The following EMC1 variants were observed in gnomAD, a reference collection of about 807,000 sequenced individuals.
The protein encoded by EMC1 is KIAA0090.
A neutral mutation model predicts 128.8 loss-of-function variants in EMC1; 103 were observed. The observed-to-expected ratio is 0.80, with a 90% CI of 0.68 to 0.94. The LOEUF (loss-of-function observed/expected upper bound fraction) is 0.94, where lower values mean the gene tolerates loss of function less well. Among genes scored for constraint, EMC1 ranks in the 40% least tolerant of loss-of-function variants. EMC1 has a pLI of 0.00. For missense variants in EMC1, 1,083 were observed against 1,250.6 expected (o/e 0.87, Z 2.02); for synonymous variants, 442 against 490.4 (o/e 0.90, Z 1.30).
chr1:19,242,239 A>G, intron 5 of EMC1, 106 bp downstream of exon 5: 1 of 1,233,312 alleles, frequency 8.1e-7, no homozygotes, highest in East Asian at 2.3e-5. Flanking sequence ...AACACCAACA[A>G]GAGACAGGCC....
chr1:19,216,356 A>G lies in EMC1; in HGVS notation c.*2947T>C, dbSNP rs532923760. 1 of 152,322 alleles carries G rather than the reference A, an allele frequency of 6.6e-6. No individual in the cohort carries two copies. The highest frequency in any genetic ancestry group is 2.1e-4 in the South Asian group (1 of 4,834). 9.4% of individuals were successfully genotyped at this position (152,322 alleles called of 1,614,324 possible). On this transcript the variant is annotated 3_prime_UTR_variant, in exon 23 of 23. Coordinates refer to ENST00000477853, the MANE Select transcript of EMC1 (RefSeq NM_015047.3). The stretch of plus-strand genomic sequence containing the variant: ...ATAATGAAACTAGTTCAGATTAGAT[A>G]GCTTACATTAAAGTCTCTAACACTT...
chr1:19,232,364 C>G (rs1402469460), intron 15 of EMC1, among the ~76,000 whole-genome samples: 1 of 152,212 alleles, frequency 6.6e-6, no homozygotes, highest in African/African-American at 2.4e-5. Flanking sequence ...AATAGCCACT[C>G]AGCAACCAAC....
chr1:19,233,884 C>G (rs2093542988), intron 13 of EMC1, among the ~76,000 whole-genome samples: 1 of 152,216 alleles, frequency 6.6e-6, no homozygotes, highest in African/African-American at 2.4e-5. Flanking sequence ...ACCCACTGGA[C>G]TGTTCCAAAA....
rs756760143 is a variant in EMC1, at chr1:19,232,974, G to C, written c.1594C>G (p.Leu532Val). ...GTTACCATCACCATCATCTTCTGGA[G>C]GTTGAATTCATCTCTGGCCAGGGTG... ...IDTLARDEFN[L>V]QKMMVMVTAS... The change falls in exon 14 of 23, where the codon CTC (leucine) becomes GTC (valine). Residue 532 changes from leucine to valine, a missense_variant. Transcript: ENST00000477853. The C allele has an allele frequency of 6.2e-7, 1 of 1,614,176 alleles. No homozygotes were observed. The highest frequency in any genetic ancestry group is 1.7e-5 in the Admixed American group (1 of 60,016).
At chr1:19,223,701 G>T in intron 18 of EMC1, 132 bp from the exon 19 acceptor site, 1 of 765,148 alleles carries the variant, frequency 1.3e-6, no homozygotes, top group Non-Finnish European at 2.1e-6. Flanking sequence ...AGAGCTTCCT[G>T]TTTGGAATTT....
intron 11 of EMC1, 119 bp downstream of exon 11, chr1:19,237,898 C>A (rs766510211): frequency 3.8e-6 from 5 of 1,321,000 alleles, no homozygotes; most frequent in Non-Finnish European, 5.1e-6. Flanking sequence ...TCAGAGAGCA[C>A]TAGAACACAT....
At chr1:19,247,699 T>C (rs1433219988) in intron 1 of EMC1, among the ~76,000 whole-genome samples, 5 of 152,158 alleles carry the variant, frequency 3.3e-5, no homozygotes, top group Non-Finnish European at 4.4e-5. Context: ...AAAAGAAAAT[T>C]AACTGTAAAA....
At chr1:19,247,501 T>C (rs561635331) in intron 1 of EMC1, among the ~76,000 whole-genome samples, 5 of 152,342 alleles carry the variant, frequency 3.3e-5, no homozygotes, top group East Asian at 1.9e-4. Context: ...TGCTATAACA[T>C]TGTAGTCGAA....
At chr1:19,229,721 A>G (rs567531649) in intron 17 of EMC1, among the ~76,000 whole-genome samples, 2 of 152,310 alleles carry the variant, frequency 1.3e-5, no homozygotes, top group Non-Finnish European at 2.9e-5. Context: ...AGGGCGCTGC[A>G]TTTTCAAAAC....
At position 19,236,919 on chromosome 1, in the gene EMC1, G is replaced by C. The variant is rs140213804; in HGVS notation, c.1309+223C>G. 1.5e-3 allele frequency among the ~76,000 whole-genome samples: 199 copies of C among 134,862 alleles called. 1 individual carries two copies. In the Middle Eastern group the frequency reaches 0.019, roughly 13 times the overall value. The allele number at this position is 134,862 out of a possible 152,430, so 88.5% of individuals were successfully genotyped here. A position where few individuals can be genotyped will look rare whatever the true frequency, so the allele number is the denominator to read the frequency against. On this transcript the variant is annotated intron_variant, in intron 12 of 22. Coordinates refer to ENST00000477853, the MANE Select transcript of EMC1 (RefSeq NM_015047.3). ...AAAGGTGGAGATTGCAGTGGGCCGA[G>C]ATCATGCCACTGCACTCCAGCCTGG...
intron 1 of EMC1, among the ~76,000 whole-genome samples, chr1:19,250,393 C>A (rs2093653093): frequency 6.6e-6 from 1 of 152,002 alleles, no homozygotes; most frequent in Non-Finnish European, 1.5e-5. Context: ...TTGCATATAT[C>A]AAGTATTCTG....
chr1:19,227,523 C>G, intron 17 of EMC1, 73 bp from the exon 18 acceptor site: 1 of 1,560,188 alleles, frequency 6.4e-7, no homozygotes, highest in Non-Finnish European at 8.8e-7. Context: ...TTAGACACAT[C>G]CTACAGTTCA....
chr1:19,242,489 G>C lies in EMC1; in HGVS notation c.381-16C>G. 1 of 1,614,002 alleles carries C rather than the reference G, an allele frequency of 6.2e-7. No individual in the cohort carries two copies. The highest frequency in any genetic ancestry group is 8.5e-7 in the Non-Finnish European group (1 of 1,179,976). ...TGCCTGGAAACTGAACACAAGTACA[G>C]GTTGAGAGCAGCCCACACCTGCAGA... On this transcript the variant is annotated splice_polypyrimidine_tract_variant and intron_variant, in intron 4 of 22. Coordinates refer to ENST00000477853, the MANE Select transcript of EMC1 (RefSeq NM_015047.3).
chr1:19,223,606 C>T lies in EMC1; in HGVS notation c.2203-37G>A, dbSNP rs710873. On this transcript the variant is annotated intron_variant, in intron 18 of 22. Transcript: ENST00000477853. ...GAGAAAACCTCCCTTAGAACCACGACGACTCATCACACACTCCATTCCTGT... is the reference window on the plus strand; with the variant it reads ...GAGAAAACCTCCCTTAGAACCACGATGACTCATCACACACTCCATTCCTGT... 7.6e-3 allele frequency: 12,148 copies of T among 1,597,000 alleles called. 689 individuals carry two copies. In the African/African-American group the frequency reaches 0.13, roughly 17 times the overall value.
chr1:19,240,100 G>A (rs1013407556), intron 7 of EMC1, 115 bp from the exon 8 acceptor site: 5 of 1,234,088 alleles, frequency 4.1e-6, no homozygotes, highest in Non-Finnish European at 5.6e-6. Context: ...CATGGCAGGT[G>A]GCTCCAAATG....
At position 19,230,908 on chromosome 1, in the gene EMC1, G is replaced by T. The variant is rs2093516270; in HGVS notation, c.2000C>A (p.Pro667His). 2 of 1,614,212 alleles carry T rather than the reference G, an allele frequency of 1.2e-6. No homozygotes were observed. Among genetic ancestry groups the T allele is most frequent in the Non-Finnish European group, 8.5e-7 (1 of 1,180,036 alleles). Residue 667 changes from proline (P) to histidine (H), a missense_variant, in exon 17 of 23, where the codon CCT becomes CAT. Around this residue, in one of 3 missense-constraint regions of EMC1, gnomAD observed 527 missense variants for 644.1 expected, o/e 0.82. Coordinates refer to ENST00000477853, the MANE Select transcript of EMC1 (RefSeq NM_015047.3). Reference sequence around the variant, plus strand: ...ATCCACCAAATAGAAGAAGATGGAAGGGGCAAGCTCATGTAGCTGTCGCAA... The same window carrying T: ...ATCCACCAAATAGAAGAAGATGGAATGGGCAAGCTCATGTAGCTGTCGCAA... The part of the protein sequence containing the change: ...NVLRQLHELA[P>H]SIFFYLVDAE...
Position 19,216,258 on chromosome 1 carries a change from A to AGTG in EMC1, c.*3042_*3044dup. 1 of 151,172 alleles carries AGTG rather than the reference A, an allele frequency of 6.6e-6. No homozygotes were observed. Among genetic ancestry groups the AGTG allele is most frequent in the South Asian group, 2.1e-4 (1 of 4,812 alleles). 9.4% of individuals were successfully genotyped at this position (151,172 alleles called of 1,614,324 possible). A position where few individuals can be genotyped will look rare whatever the true frequency, so the allele number is the denominator to read the frequency against. On this transcript the variant is annotated 3_prime_UTR_variant, in exon 23 of 23. Coordinates refer to ENST00000477853, the MANE Select transcript of EMC1 (RefSeq NM_015047.3). ...CAAAAAAAAAGCAATTTATAAAGGCAGTGAAATTACAATTATGAAATTTTC... is the reference window on the plus strand; with the variant it reads ...CAAAAAAAAAGCAATTTATAAAGGCAGTGGTGAAATTACAATTATGAAATTTTC...
chr1:19,226,438 G>A lies in EMC1; in HGVS notation c.2202+875C>T, dbSNP rs72964009. On this transcript the variant is annotated intron_variant, in intron 18 of 22. Transcript: ENST00000477853. ...TAGAGACCAACCTAGGCAACATAGT[G>A]AGACCCTGTCAATATAAAAATAAAA... Among the ~76,000 whole-genome samples the A allele has an allele frequency of 8.2e-3, 1,252 of 152,046 alleles. 19 individuals carry two copies. Among genetic ancestry groups the A allele is most frequent in the African/African-American group, 0.028 (1,174 of 41,474 alleles).
At chr1:19,239,204 G>A in intron 9 of EMC1, 27 bp downstream of exon 9, 3 of 1,602,534 alleles carry the variant, frequency 1.9e-6, no homozygotes, top group Non-Finnish European at 2.6e-6. Flanking sequence ...AAAATCCCAA[G>A]TGCTGACTGT....
Sources: gnomAD v4.1 joint callset for allele counts (sites outside exome capture counted in the v4.1 genomes callset) on GRCh38, gnomAD v4.1.1 for gene constraint, gnomAD v4.1.1 regional missense constraint, MANE v1.5 for transcripts, NCBI Gene and HGNC (gene_info 2026-07-23, HGNC 2026-07-21) for gene names.